ZNF530: variants seen among roughly 807,000 people sequenced by gnomAD.
ZNF530 encodes the protein zinc finger protein 530.
In ZNF530, 5 loss-of-function variants were observed where a neutral mutation model predicts 2.8. The observed-to-expected ratio is 1.80, with a 90% confidence interval of 0.94 to 3.78. ZNF530 has a LOEUF of 3.78. Ranked by LOEUF, ZNF530 falls within the 30% of genes most tolerant of loss-of-function variation. ZNF530 has a pLI of 0.00. For synonymous variants in ZNF530, 229 were observed against 235.0 expected (o/e 0.97, Z 0.23); for missense variants, 619 against 673.3 (o/e 0.92, Z 0.89).
At chr19:57,602,351 C>T (rs1568622542) in intron 2 of ZNF530, among the ~76,000 whole-genome samples, 1 of 152,200 alleles carries the variant, frequency 6.6e-6, no homozygotes, top group African/African-American at 2.4e-5. Flanking sequence ...CCAAAGATTC[C>T]ATCTCCAAAT....
Position 57,606,896 on chromosome 19 carries a change from C to G in ZNF530, c.1272C>G (p.His424Gln). Residue 424 changes from histidine (H) to glutamine (Q), a missense_variant, in exon 4 of 4, where the codon CAC becomes CAG. By Grantham distance (24) the His-to-Gln change is conservative. Coordinates refer to ENST00000597700, the MANE Select transcript of ZNF530 (RefSeq NM_001321981.2). Reference protein sequence around the residue: ...SSGLFRHRRAHTKTKPYECSE... With the variant: ...SSGLFRHRRAQTKTKPYECSE... ...GCCTCTTTCGACACAGAAGAGCTCACACTAAAACAAAGCCTTATGAGTGCA... is the reference window on the plus strand; with the variant it reads ...GCCTCTTTCGACACAGAAGAGCTCAGACTAAAACAAAGCCTTATGAGTGCA... The G allele has an allele frequency of 6.2e-7, 1 of 1,613,510 alleles. No homozygotes were observed. The highest frequency in any genetic ancestry group is 2.2e-5 in the East Asian group (1 of 44,786).
Position 57,608,405 on chromosome 19 carries a change from T to C in ZNF530, c.*1080T>C, listed in dbSNP as rs1465161595. On this transcript the variant is annotated 3_prime_UTR_variant, in exon 4 of 4. Coordinates refer to ENST00000597700, the MANE Select transcript of ZNF530 (RefSeq NM_001321981.2). ...GAGGGGACAGTATGCTCACAGAATA[T>C]AGATTTTGCTCCATTTTTGGCCTAT... is the stretch of plus-strand genomic sequence containing the variant. 6.6e-6 allele frequency: 1 copy of C among 152,196 alleles called. No individual in the cohort carries two copies. The highest frequency in any genetic ancestry group is 1.5e-5 in the Non-Finnish European group (1 of 68,038). 9.4% of individuals were successfully genotyped at this position (152,196 alleles called of 1,614,324 possible).
Position 57,599,914 on chromosome 19 carries a change from C to T in ZNF530, c.-342C>T, listed in dbSNP as rs1278354736. ...CTTCCGGCGTCCTCCCTGTGGCGGG[C>T]ACTTTGGCTTGTGTCAGTTCCATCC... On this transcript the variant is annotated 5_prime_UTR_variant, in exon 1 of 4. Coordinates refer to ENST00000597700, the MANE Select transcript of ZNF530 (RefSeq NM_001321981.2). 1 of 547,838 alleles carries T rather than the reference C, an allele frequency of 1.8e-6. No individual in the cohort carries two copies. Among genetic ancestry groups the T allele is most frequent in the Admixed American group, 3.2e-5 (1 of 31,194 alleles). 33.9% of individuals were successfully genotyped at this position (547,838 alleles called of 1,614,324 possible).
At chr19:57,605,585 C>T (rs1395260419) in intron 3 of ZNF530, 101 bp from the exon 4 acceptor site, 5 of 1,253,396 alleles carry the variant, frequency 4.0e-6, no homozygotes, top group Non-Finnish European at 5.5e-6. Flanking sequence ...GCTCTCATAT[C>T]CTAAAAACAT....
intron 1 of ZNF530, among the ~76,000 whole-genome samples, 169 bp downstream of exon 1, chr19:57,600,303 C>A (rs1464249103): frequency 6.6e-6 from 1 of 152,200 alleles, no homozygotes; most frequent in Non-Finnish European, 1.5e-5. Flanking sequence ...GGTCAGGGGG[C>A]TGCGCGGGCA....
In ZNF530 at chr19:57,605,537, T is replaced by C. The variant is rs113812257; in HGVS notation, c.62-149T>C. The C allele has an allele frequency of 2.2e-3, 1,574 of 710,964 alleles. 18 individuals are homozygous for C. In the African/African-American group the frequency reaches 0.025, roughly 11 times the overall value. 44.0% of individuals were successfully genotyped at this position (710,964 alleles called of 1,614,324 possible). ...TCATCTCATAAGGCCTCCCTTGTTC[T>C]GTGACTTGTAGAGGCTTTTTTCCAC... On this transcript the variant is annotated intron_variant, in intron 3 of 3. Transcript: ENST00000597700.
At chr19:57,610,729 G>T (rs1980845541), downstream of ZNF530, among the ~76,000 whole-genome samples, 1 of 152,132 alleles carries the variant, frequency 6.6e-6, no homozygotes. Context: ...GTAACAAGGT[G>T]ACCGTTTTGG....
Position 57,608,243 on chromosome 19 carries a change from A to G in ZNF530, c.*918A>G, listed in dbSNP as rs1568626494. ...AACTGCCTGTTAACTGGCTTGTGCAATGATAAAGGCCTTTTGTTTAAGTAC... is the reference window on the plus strand; with the variant it reads ...AACTGCCTGTTAACTGGCTTGTGCAGTGATAAAGGCCTTTTGTTTAAGTAC... On this transcript the variant is annotated 3_prime_UTR_variant, in exon 4 of 4. Transcript: ENST00000597700. 1 of 152,178 alleles carries G rather than the reference A, an allele frequency of 6.6e-6. No individual in the cohort carries two copies. Among genetic ancestry groups the G allele is most frequent in the African/African-American group, 2.4e-5 (1 of 41,438 alleles). The allele number at this position is 152,178 out of a possible 1,614,324, so 9.4% of individuals were successfully genotyped here.
intron 2 of ZNF530, among the ~76,000 whole-genome samples, chr19:57,601,967 C>CTAGG (rs889692783): frequency 2.0e-5 from 3 of 152,222 alleles, no homozygotes; most frequent in Non-Finnish European, 4.4e-5. Flanking sequence ...TAACCTCCCA[C>CTAGG]TAGGCCCCAC....
At chr19:57,612,097 G>C (rs1297172234), downstream of ZNF530, among the ~76,000 whole-genome samples, 1 of 152,162 alleles carries the variant, frequency 6.6e-6, no homozygotes, top group African/African-American at 2.4e-5. Flanking sequence ...GGGAAATTCT[G>C]AGTAACATTA....
At chr19:57,612,201 T>C (rs2123471785), downstream of ZNF530, among the ~76,000 whole-genome samples, 1 of 152,350 alleles carries the variant, frequency 6.6e-6, no homozygotes, top group Admixed American at 6.5e-5. Context: ...ATATTACATA[T>C]CTTTCCAGCA....
At position 57,607,589 on chromosome 19, in the gene ZNF530, C is replaced by G. The variant is rs1301938289; in HGVS notation, c.*264C>G. On this transcript the variant is annotated 3_prime_UTR_variant, in exon 4 of 4. Transcript: ENST00000597700. ...TGAACTCCTGACCTCAGGTAATCCA[C>G]CTGCTTCAGCCTACCAAAGTGCTGG... 1 of 403,200 alleles carries G rather than the reference C, an allele frequency of 2.5e-6. No homozygotes were observed. The highest frequency in any genetic ancestry group is 4.5e-6 in the Non-Finnish European group (1 of 224,462). 25.0% of individuals were successfully genotyped at this position (403,200 alleles called of 1,614,324 possible). A position where few individuals can be genotyped will look rare whatever the true frequency, so the allele number is the denominator to read the frequency against.
chr19:57,600,128 G>GCTCTGAGGCGGC lies in ZNF530; in HGVS notation c.-128_-127insCTCTGAGGCGGC. The GCTCTGAGGCGGC allele has an allele frequency of 6.4e-7, 1 of 1,569,510 alleles. No homozygotes were observed. The highest frequency in any genetic ancestry group is 8.6e-7 in the Non-Finnish European group (1 of 1,156,614). On this transcript the variant is annotated 5_prime_UTR_variant, in exon 1 of 4. It introduces an in-frame stop codon into an upstream open reading frame of the 5' UTR. Coordinates refer to ENST00000597700, the MANE Select transcript of ZNF530 (RefSeq NM_001321981.2). ...CGATGGCGGCGGCACTGAGGGCCCC[G>GCTCTGAGGCGGC]ACCCAGGTGAGCGCTGCGTCCTCCC...
downstream of ZNF530, among the ~76,000 whole-genome samples, chr19:57,610,459 G>A (rs1417913220): frequency 6.7e-6 from 1 of 150,242 alleles, no homozygotes; most frequent in Non-Finnish European, 1.5e-5. Flanking sequence ...TATACTTACT[G>A]TTTTAATATG....
At position 57,600,034 on chromosome 19, in the gene ZNF530, G is replaced by A. The variant is rs1323695809; in HGVS notation, c.-222G>A. On this transcript the variant is annotated 5_prime_UTR_variant, in exon 1 of 4. Transcript: ENST00000597700. ...CAGCCGGGGCCTGACGGTCGCCGGC[G>A]GTGGTGACAGCTTTGCTCTTGTCTC... 1.4e-6 allele frequency: 2 copies of A among 1,454,398 alleles called. No homozygotes were observed. The highest frequency in any genetic ancestry group is 1.4e-5 in the African/African-American group (1 of 70,716). The allele number at this position is 1,454,398 out of a possible 1,614,324, so 90.1% of individuals were successfully genotyped here.
At chr19:57,604,489 G>A in intron 3 of ZNF530, 83 bp downstream of exon 3, 1 of 1,531,210 alleles carries the variant, frequency 6.5e-7, no homozygotes, top group Non-Finnish European at 8.8e-7. Flanking sequence ...CCTTTCTTCA[G>A]TTAGACCCTG....
At chr19:57,611,646 G>C (rs985533707), downstream of ZNF530, among the ~76,000 whole-genome samples, 2 of 151,988 alleles carry the variant, frequency 1.3e-5, no homozygotes, top group African/African-American at 4.8e-5. Context: ...ACTGGCTCCA[G>C]GTGTTTTCTA....
At chr19:57,604,620 C>T (rs973701307) in intron 3 of ZNF530, 11 of 485,256 alleles carry the variant, frequency 2.3e-5, no homozygotes, top group Middle Eastern at 3.5e-4. Context: ...GTCTGGGAGA[C>T]AGGATCTTTC....
chr19:57,600,317 G>T, intron 1 of ZNF530, among the ~76,000 whole-genome samples, 183 bp downstream of exon 1: 1 of 152,222 alleles, frequency 6.6e-6, no homozygotes, highest in Non-Finnish European at 1.5e-5. Flanking sequence ...GCGGGCAACA[G>T]CTTGGAGCTG....
Sources: gnomAD v4.1 joint callset for allele counts (sites outside exome capture counted in the v4.1 genomes callset) on GRCh38, gnomAD v4.1.1 for gene constraint, MANE v1.5 for transcripts, NCBI Gene and HGNC (gene_info 2026-07-23, HGNC 2026-07-21) for gene names.